SPAG16: variants seen among roughly 807,000 people sequenced by gnomAD.
SPAG16 encodes the protein sperm-associated antigen 16 protein.
Under a neutral mutation model 80.4 loss-of-function variants are expected in SPAG16, and 86 were observed. The ratio of observed to expected loss-of-function variants is 1.07; its 90% CI spans 0.90 to 1.28. The LOEUF is 1.28. Among genes scored for constraint, SPAG16 ranks in the 50% most tolerant of loss-of-function variants. SPAG16 has a pLI of 0.00. For synonymous variants in SPAG16, 294 were observed against 265.9 expected (o/e 1.11, Z -1.03); for missense variants, 870 against 765.3 (o/e 1.14, Z -1.61).
intron 15 of SPAG16, among the ~76,000 whole-genome samples, chr2:214,334,953 G>T (rs1697176997): frequency 6.6e-6 from 1 of 152,178 alleles, no homozygotes; most frequent in Admixed American, 6.5e-5. Flanking sequence ...TTAAAATTGG[G>T]TTCCAGGGAA....
At chr2:213,512,111 A>G (rs1006624063) in intron 10 of SPAG16, among the ~76,000 whole-genome samples, 1 of 152,182 alleles carries the variant, frequency 6.6e-6, no homozygotes, top group Non-Finnish European at 1.5e-5. Context: ...TCATACTTAC[A>G]GTATGTTATT....
intron 9 of SPAG16, among the ~76,000 whole-genome samples, chr2:213,415,954 T>A (rs190047706): frequency 1.3e-5 from 2 of 152,086 alleles, no homozygotes; most frequent in East Asian, 3.9e-4. Context: ...AGTTGGTTAA[T>A]CATAAAATAA....
intron 15 of SPAG16, among the ~76,000 whole-genome samples, chr2:214,331,366 T>C (rs1696900577): frequency 1.3e-5 from 2 of 152,318 alleles, no homozygotes; most frequent in South Asian, 4.1e-4. Context: ...TTCTGGGCCG[T>C]TGGCATGATG....
intron 10 of SPAG16, among the ~76,000 whole-genome samples, chr2:213,728,771 G>C (rs12622833): frequency 1.3e-5 from 2 of 151,168 alleles, no homozygotes; most frequent in African/African-American, 4.9e-5. Flanking sequence ...CAGCTGCTCG[G>C]CAGGCTGAGG....
At chr2:213,745,734 T>G (rs529435271) in intron 10 of SPAG16, among the ~76,000 whole-genome samples, 3 of 152,310 alleles carry the variant, frequency 2.0e-5, no homozygotes, top group Admixed American at 2.0e-4. Context: ...AATGCCATAA[T>G]TATAAAAATA....
At chr2:213,865,401 A>T (rs930031554) in intron 11 of SPAG16, among the ~76,000 whole-genome samples, 1 of 151,910 alleles carries the variant, frequency 6.6e-6, no homozygotes, top group Non-Finnish European at 1.5e-5. Context: ...ATAAACTTTC[A>T]TTACATAGTT....
chr2:214,384,865 G>A (rs1385634918), intron 15 of SPAG16, among the ~76,000 whole-genome samples: 5 of 152,182 alleles, frequency 3.3e-5, no homozygotes, highest in Admixed American at 3.3e-4. Flanking sequence ...TCGTCTCCAT[G>A]TCCTTAATTC....
At chr2:214,294,079 G>A (rs548754919) in intron 15 of SPAG16, among the ~76,000 whole-genome samples, 2 of 152,348 alleles carry the variant, frequency 1.3e-5, no homozygotes, top group Middle Eastern at 3.4e-3. Context: ...TTTTGGAACT[G>A]AGCTCTCAGA....
intron 12 of SPAG16, among the ~76,000 whole-genome samples, chr2:213,971,667 C>T (rs1211650211): frequency 6.6e-6 from 1 of 152,120 alleles, no homozygotes; most frequent in East Asian, 1.9e-4. Context: ...CCATATGATC[C>T]AGCAACTCTG....
intron 11 of SPAG16, among the ~76,000 whole-genome samples, chr2:213,887,096 A>T (rs772435268): frequency 1.3e-5 from 2 of 152,074 alleles, no homozygotes; most frequent in Non-Finnish European, 2.9e-5. Flanking sequence ...GAGAGTTCTG[A>T]TATTGTCTTC....
chr2:214,214,185 C>CTTTTTTTTTTTTTTT (rs71399124), intron 15 of SPAG16, among the ~76,000 whole-genome samples: 2 of 140,060 alleles, frequency 1.4e-5, no homozygotes, highest in African/African-American at 5.4e-5. Context: ...TTCCTTTTTA[C>CTTTTTTTTTTTTTTT]TTTTTTTTTT....
chr2:214,008,111 T>C (rs528096031), intron 12 of SPAG16, among the ~76,000 whole-genome samples: 38 of 152,254 alleles, frequency 2.5e-4, no homozygotes, highest in Non-Finnish European at 4.3e-4. Context: ...TATTAATCTC[T>C]TTTCATTCTC....
intron 12 of SPAG16, among the ~76,000 whole-genome samples, chr2:214,008,044 G>C (rs890595029): frequency 6.6e-6 from 1 of 151,636 alleles, no homozygotes; most frequent in Non-Finnish European, 1.5e-5. Context: ...ACTGATTATT[G>C]AGACTGTAAT....
Position 214,410,491 on chromosome 2 carries a change from CTT to C in SPAG16, c.*178_*179del, listed in dbSNP as rs1237096231. The stretch of plus-strand genomic sequence containing the variant: ...CATACTGTTACTAATAAAAAAATAA[CTT>C]TATGCTCACCCATTTGTGTCAGGGT... On this transcript the variant is annotated 3_prime_UTR_variant, in exon 16 of 16. Coordinates refer to ENST00000331683, the MANE Select transcript of SPAG16 (RefSeq NM_024532.5). 1 of 485,988 alleles carries C rather than the reference CTT, an allele frequency of 2.1e-6. No individual in the cohort carries two copies. The highest frequency in any genetic ancestry group is 3.3e-5 in the East Asian group (1 of 30,656). 30.1% of individuals were successfully genotyped at this position (485,988 alleles called of 1,614,324 possible). A position where few individuals can be genotyped will look rare whatever the true frequency, so the allele number is the denominator to read the frequency against.
intron 13 of SPAG16, among the ~76,000 whole-genome samples, chr2:214,073,228 T>G (rs1411727328): frequency 1.2e-5 from 1 of 84,916 alleles, no homozygotes; most frequent in Non-Finnish European, 2.6e-5. Flanking sequence ...GGTGGAAATT[T>G]TTTCTTTTTT....
chr2:213,560,209 G>A (rs1417422085), intron 10 of SPAG16, among the ~76,000 whole-genome samples: 1 of 152,154 alleles, frequency 6.6e-6, no homozygotes. Context: ...GTGGATCTCA[G>A]CAAAATTCTA....
intron 13 of SPAG16, among the ~76,000 whole-genome samples, chr2:214,088,988 G>T (rs2125303091): frequency 6.6e-6 from 1 of 152,228 alleles, no homozygotes; most frequent in South Asian, 2.1e-4. Context: ...AAATCCTGCA[G>T]TATATTGAAA....
intron 9 of SPAG16, among the ~76,000 whole-genome samples, chr2:213,414,581 T>C (rs1280782875): frequency 6.6e-6 from 1 of 152,204 alleles, no homozygotes; most frequent in Non-Finnish European, 1.5e-5. Context: ...GGACTGTTTT[T>C]CCCTCTAAGT....
At chr2:213,367,332 T>G (rs2066360924) in intron 8 of SPAG16, among the ~76,000 whole-genome samples, 1 of 151,986 alleles carries the variant, frequency 6.6e-6, no homozygotes, top group Non-Finnish European at 1.5e-5. Context: ...TCAAATGGTA[T>G]TTCTAGTTCA....
Sources: gnomAD v4.1 joint callset for allele counts (sites outside exome capture counted in the v4.1 genomes callset) on GRCh38, gnomAD v4.1.1 for gene constraint, MANE v1.5 for transcripts, NCBI Gene and HGNC (gene_info 2026-07-23, HGNC 2026-07-21) for gene names.